The following MGAT5 variants were observed in gnomAD, a reference collection of about 807,000 sequenced individuals.
MGAT5 encodes the protein alpha-1,6-mannosylglycoprotein 6-beta-N-acetylglucosaminyltransferase A.
MGAT5 carries 30 observed loss-of-function variants against 94.3 expected under a neutral mutation model. The ratio of observed to expected loss-of-function variants is 0.32; its 90% CI spans 0.24 to 0.43. The LOEUF is 0.43. MGAT5 is among the 20% of genes least tolerant of loss of function. The pLI is 1.00. For synonymous variants in MGAT5, 310 were observed against 322.9 expected, an observed-to-expected ratio of 0.96 and a Z score of 0.43; for missense variants, 691 against 905.5, an observed-to-expected ratio of 0.76 and a Z score of 3.04.
At position 134,448,817 on chromosome 2, in the gene MGAT5, C is replaced by T. The variant is rs1685942009; in HGVS notation, c.2196C>T (p.Gly732=). 13 of 1,613,794 alleles carry T rather than the reference C, an allele frequency of 8.1e-6. No individual in the cohort carries two copies. Among genetic ancestry groups the T allele is most frequent in the Non-Finnish European group, 1.1e-5 (13 of 1,180,002 alleles). The part of the protein sequence containing the change: ...RVCPCRDFIK[G]QVALCKDCL ...GCCCCTGCCGGGACTTCATCAAGGGCCAGGTGGCTCTCTGCAAAGACTGCC... is the reference window on the plus strand; with the variant it reads ...GCCCCTGCCGGGACTTCATCAAGGGTCAGGTGGCTCTCTGCAAAGACTGCC... Residue 732 remains glycine (G), a synonymous_variant, in exon 16 of 16, where the codon GGC becomes GGT. Transcript: ENST00000281923.
chr2:134,128,167 G>C (rs1254282185), intron 1 of MGAT5, among the ~76,000 whole-genome samples: 1 of 150,646 alleles, frequency 6.6e-6, no homozygotes, highest in Non-Finnish European at 1.5e-5. Context: ...CCAGGAGTTT[G>C]AGACCAGCCT....
chr2:134,163,544 G>A (rs1479541961), intron 1 of MGAT5, among the ~76,000 whole-genome samples: 3 of 152,168 alleles, frequency 2.0e-5, no homozygotes, highest in Non-Finnish European at 2.9e-5. Context: ...GAGTAATGTT[G>A]AGAAAAAAGG....
intron 1 of MGAT5, among the ~76,000 whole-genome samples, chr2:134,157,252 A>G (rs1687519921): frequency 6.6e-6 from 1 of 152,202 alleles, no homozygotes; most frequent in South Asian, 2.1e-4. Flanking sequence ...CAGATATATC[A>G]TGGTTTTGTA....
intron 1 of MGAT5, among the ~76,000 whole-genome samples, chr2:134,259,367 C>T (rs184706479): frequency 6.6e-6 from 1 of 152,346 alleles, no homozygotes; most frequent in Non-Finnish European, 1.5e-5. Flanking sequence ...TCTCTGTCTC[C>T]AGCAGCCTGA....
At position 134,255,966 on chromosome 2, in the gene MGAT5, GTA is replaced by G. The variant is rs200483898; in HGVS notation, c.241+1324_241+1325del. Among the ~76,000 whole-genome samples the G allele has an allele frequency of 9.9e-3, 1,513 of 152,230 alleles. 23 individuals carry two copies. Among genetic ancestry groups the G allele is most frequent in the African/African-American group, 0.034 (1,431 of 41,514 alleles). The stretch of plus-strand genomic sequence containing the variant: ...TGTAAAATTTTATACACACGTATGT[GTA>G]TGTGTGTGTGTGTATGTGTATATAT... On this transcript the variant is annotated intron_variant, in intron 1 of 15. Transcript: ENST00000281923.
chr2:134,162,599 G>T (rs1223182410), intron 1 of MGAT5, among the ~76,000 whole-genome samples: 1 of 152,176 alleles, frequency 6.6e-6, no homozygotes, highest in Non-Finnish European at 1.5e-5. Context: ...CTTCACTAAG[G>T]TCCCACAGTT....
At chr2:134,299,297 G>A (rs1022496583) in intron 2 of MGAT5, among the ~76,000 whole-genome samples, 2 of 152,180 alleles carry the variant, frequency 1.3e-5, no homozygotes, top group African/African-American at 4.8e-5. Context: ...GATGGTCAAA[G>A]CCAACACCAG....
At chr2:134,280,943 C>A (rs1281806749) in intron 2 of MGAT5, among the ~76,000 whole-genome samples, 1 of 152,176 alleles carries the variant, frequency 6.6e-6, no homozygotes, top group Non-Finnish European at 1.5e-5. Context: ...ACTACCCATT[C>A]CCAATGTTGC....
rs746804021 is a variant in MGAT5, at chr2:134,241,616, C to T, written c.-142-12646C>T. Among the ~76,000 whole-genome samples, 3 of 152,184 alleles carry T rather than the reference C, an allele frequency of 2.0e-5. 1 individual carries two copies. The highest frequency in any genetic ancestry group is 4.4e-5 in the Non-Finnish European group (3 of 68,040). On this transcript the variant is annotated intron_variant, in intron 1 of 16. Transcript: ENST00000409645. Reference sequence around the variant, plus strand: ...GTAATTTGCCATTAATCATTTGGAACATTAGCAAAGATAGTATCAAAATGA... The same window carrying T: ...GTAATTTGCCATTAATCATTTGGAATATTAGCAAAGATAGTATCAAAATGA...
intron 1 of MGAT5, among the ~76,000 whole-genome samples, chr2:134,193,323 C>A (rs10203183): frequency 0.22 from 33,382 of 151,940 alleles, 4,486 homozygotes; most frequent in Non-Finnish European, 0.31. Context: ...CCCTGTGTTG[C>A]ATGGGCTCAT....
chr2:134,228,020 A>G (rs1036084485), intron 1 of MGAT5, among the ~76,000 whole-genome samples: 1 of 152,210 alleles, frequency 6.6e-6, no homozygotes, highest in Non-Finnish European at 1.5e-5. Flanking sequence ...TTTCCATATG[A>G]GAATTTTACC....
intron 9 of MGAT5, among the ~76,000 whole-genome samples, chr2:134,352,992 T>G (rs1049579511): frequency 6.6e-6 from 1 of 152,114 alleles, no homozygotes; most frequent in Non-Finnish European, 1.5e-5. Context: ...GTAAAGTATC[T>G]AAGGTAGTCA....
At chr2:134,193,129 T>A (rs5834403) in intron 1 of MGAT5, among the ~76,000 whole-genome samples, 73 of 107,108 alleles carry the variant, frequency 6.8e-4, no homozygotes, top group East Asian at 4.1e-3. Context: ...TTTTTTATTT[T>A]TTTTTTTTTT....
intron 10 of MGAT5, among the ~76,000 whole-genome samples, chr2:134,395,102 G>A (rs1682631494): frequency 6.6e-6 from 1 of 152,202 alleles, no homozygotes; most frequent in Non-Finnish European, 1.5e-5. Flanking sequence ...CTGCATGGTA[G>A]TATAGCTGGT....
chr2:134,380,148 ATTTTT>A (rs982539417), intron 10 of MGAT5, among the ~76,000 whole-genome samples: 13 of 152,124 alleles, frequency 8.5e-5, no homozygotes, highest in African/African-American at 2.9e-4. Context: ...AGACTTAGAG[ATTTTT>A]AGCACTAAGG....
chr2:134,369,500 G>T (rs1229622702), intron 10 of MGAT5, among the ~76,000 whole-genome samples: 3 of 151,902 alleles, frequency 2.0e-5, no homozygotes, highest in Admixed American at 2.0e-4. Flanking sequence ...TGAAGGTATT[G>T]GTTTAAAAAA....
chr2:134,360,812 G>T (rs1558823616), intron 9 of MGAT5, among the ~76,000 whole-genome samples: 1 of 152,188 alleles, frequency 6.6e-6, no homozygotes, highest in Non-Finnish European at 1.5e-5. Context: ...CATTGCCATT[G>T]CCTCTGGGCA....
chr2:134,325,965 G>C (rs950312343), intron 4 of MGAT5, among the ~76,000 whole-genome samples: 1 of 151,388 alleles, frequency 6.6e-6, no homozygotes, highest in Non-Finnish European at 1.5e-5. Context: ...GCCTAATATT[G>C]TTTGTGCAAG....
chr2:134,138,399 G>C (rs533660437), intron 1 of MGAT5, among the ~76,000 whole-genome samples: 14 of 152,270 alleles, frequency 9.2e-5, no homozygotes, highest in African/African-American at 3.4e-4. Context: ...CTAAAGTGTA[G>C]GAGTTAAAGT....
Sources: allele counts gnomAD v4.1 joint callset (sites outside exome capture counted in the v4.1 genomes callset), GRCh38; gene constraint gnomAD v4.1.1; transcripts MANE v1.5; gene names NCBI Gene and HGNC (gene_info 2026-07-23, HGNC 2026-07-21).